Variants in SHROOM2 observed in about 807,000 individuals in gnomAD.
The protein encoded by SHROOM2 is protein Shroom2.
In SHROOM2, 33 loss-of-function variants were observed where a neutral mutation model predicts 75.9. The observed-to-expected ratio is 0.43, with a 90% CI of 0.33 to 0.58. The LOEUF is 0.58. SHROOM2 is among the 20% of genes least tolerant of loss of function. The probability of loss-of-function intolerance (pLI) is 0.04; values close to 1 mark genes in which losing one functional copy is unlikely to be tolerated. For synonymous variants in SHROOM2, 655 were observed against 663.6 expected, an observed-to-expected ratio of 0.99 and a Z score of 0.20; for missense variants, 1,434 against 1,461.2, an observed-to-expected ratio of 0.98 and a Z score of 0.30.
rs1244487667 is a variant in SHROOM2 at position 9,799,402 on chromosome X, G to A, written c.165+12692G>A. Among the ~76,000 whole-genome samples the A allele has an allele frequency of 2.7e-5, 3 of 110,475 alleles. No individual in the cohort carries two copies. The South Asian group carries it at 1.2e-3, about 42-fold the overall frequency. On this transcript the variant is annotated intron_variant, in intron 1 of 9. Transcript: ENST00000380913. The stretch of plus-strand genomic sequence containing the variant: ...GCTGGTCTCGAACTCCTGACCTCAG[G>A]TGATCTGCCTGCCTCAGCCTCCCAA...
At chrX:9,899,301 G>A (rs968119760) in intron 5 of SHROOM2, among the ~76,000 whole-genome samples, 1 of 110,379 alleles carries the variant, frequency 9.1e-6, no homozygotes. Context: ...TTCATCACAC[G>A]AGGAGGGCAG....
chrX:9,818,776 T>A, intron 1 of SHROOM2: 2 of 475,878 alleles, frequency 4.2e-6, no homozygotes, highest in Non-Finnish European at 7.5e-6. Flanking sequence ...TTCTTTCTTT[T>A]TCTTCACAAA....
At chrX:9,814,058 T>G (rs1054292876) in intron 1 of SHROOM2, among the ~76,000 whole-genome samples, 5 of 111,794 alleles carry the variant, frequency 4.5e-5, no homozygotes, top group African/African-American at 1.6e-4. Context: ...TTGCAAGGCA[T>G]TGGTTAAGGG....
intron 4 of SHROOM2, among the ~76,000 whole-genome samples, chrX:9,897,979 A>G (rs1218305323): frequency 8.9e-6 from 1 of 112,257 alleles, no homozygotes; most frequent in Non-Finnish European, 1.9e-5. Context: ...TCTTTTGGCC[A>G]ATTGTGCCAC....
intron 1 of SHROOM2, among the ~76,000 whole-genome samples, chrX:9,817,434 A>G: frequency 8.9e-6 from 1 of 111,740 alleles, no homozygotes; most frequent in Non-Finnish European, 1.9e-5. Context: ...ATTGTACCCC[A>G]AAGCAAGTTC....
intron 2 of SHROOM2, among the ~76,000 whole-genome samples, chrX:9,880,289 C>CCCCTAAAGGACAGGTA (rs2084224489): frequency 8.9e-6 from 1 of 112,782 alleles, no homozygotes; most frequent in African/African-American, 3.2e-5. Flanking sequence ...CTTGCAGTCA[C>CCCCTAAAGGACAGGTA]CCCTAAAGGA....
At chrX:9,940,818 G>A (rs1012439360) in intron 8 of SHROOM2, among the ~76,000 whole-genome samples, 18 of 111,814 alleles carry the variant, frequency 1.6e-4, no homozygotes, top group Middle Eastern at 4.6e-3. Flanking sequence ...CCCTAATTCC[G>A]TAGGCTTCCA....
chrX:9,811,709 A>T (rs1000613826), intron 1 of SHROOM2, among the ~76,000 whole-genome samples: 1 of 111,838 alleles, frequency 8.9e-6, no homozygotes, highest in East Asian at 2.8e-4. Context: ...GTGTCGTAGA[A>T]AGGGGCTGTA....
Position 9,894,513 on chromosome X carries a change from G to T in SHROOM2, c.605G>T (p.Ser202Ile). 1 of 1,211,387 alleles carries T rather than the reference G, an allele frequency of 8.3e-7. No homozygotes were observed. The highest frequency in any genetic ancestry group is 1.8e-5 in the South Asian group (1 of 56,955). ...AACAGCAGCATCGACCACCTGGGCAGCCACAGCAAGCGCGACTCGGCCTAC... is the reference window on the plus strand; with the variant it reads ...AACAGCAGCATCGACCACCTGGGCATCCACAGCAAGCGCGACTCGGCCTAC... ...KSNSSIDHLG[S>I]HSKRDSAYGS... Residue 202 changes from serine to isoleucine, a missense_variant, in exon 4 of 10, where the codon AGC (serine) becomes ATC (isoleucine). By Grantham distance (142) the Ser-to-Ile change is moderately radical (BLOSUM62 -2). This residue lies in a region of SHROOM2 where 1,340 missense variants were observed against 1,338.3 expected (regional missense o/e 1.00). Coordinates refer to ENST00000380913, the MANE Select transcript of SHROOM2 (RefSeq NM_001649.4).
In SHROOM2 at chrX:9,895,756, G is replaced by T; in HGVS notation, c.1848G>T (p.Val616=). The T allele has an allele frequency of 8.3e-7, 1 of 1,201,860 alleles. No individual in the cohort carries two copies. The highest frequency in any genetic ancestry group is 1.1e-6 in the Non-Finnish European group (1 of 890,760). The part of the protein sequence containing the change: ...ATRPPPFDAH[V]GKPTRRSDRF... ...GACCGCCACCGTTCGACGCCCACGT[G>T]GGCAAGCCCACCCGAAGAAGCGACC... is the stretch of plus-strand genomic sequence containing the variant. Residue 616 remains valine, a synonymous_variant, in exon 4 of 10, where the codon GTG becomes GTT. Transcript: ENST00000380913.
At chrX:9,872,434 G>A (rs1193208260) in intron 1 of SHROOM2, among the ~76,000 whole-genome samples, 1 of 111,739 alleles carries the variant, frequency 8.9e-6, no homozygotes, top group Non-Finnish European at 1.9e-5. Context: ...ACGTGGTAGC[G>A]TGTGCCTGTA....
intron 1 of SHROOM2, among the ~76,000 whole-genome samples, chrX:9,799,353 A>G (rs1169852284): frequency 9.2e-6 from 1 of 108,237 alleles, no homozygotes; most frequent in Non-Finnish European, 1.9e-5. Context: ...TTTAGTGGAG[A>G]TGGGGTTTCG....
intron 1 of SHROOM2, among the ~76,000 whole-genome samples, chrX:9,864,370 C>T (rs1042284525): frequency 3.6e-5 from 4 of 110,835 alleles, no homozygotes; most frequent in African/African-American, 1.3e-4. Context: ...CTTTTCCTTC[C>T]GAAACAGTTC....
chrX:9,800,332 GTAT>G (rs572234520), intron 1 of SHROOM2, among the ~76,000 whole-genome samples: 22 of 109,051 alleles, frequency 2.0e-4, no homozygotes, highest in African/African-American at 2.7e-4. Context: ...TTTATTTTAT[GTAT>G]TATTATTATT....
chrX:9,873,774 C>A lies in SHROOM2; in HGVS notation c.288C>A (p.Ser96=), dbSNP rs2084183966. The change falls in exon 2 of 10, where the codon TCC becomes TCA. Residue 96 remains serine (S), a synonymous_variant. Coordinates refer to ENST00000380913, the MANE Select transcript of SHROOM2 (RefSeq NM_001649.4). The part of the protein sequence containing the change: ...RQEAICLVKG[S]HKTLKLVVKR... Reference sequence around the variant, plus strand: ...AAGCGATTTGCCTGGTGAAGGGGTCCCATAAGACCCTGAAGCTGGTCGTCA... The same window carrying A: ...AAGCGATTTGCCTGGTGAAGGGGTCACATAAGACCCTGAAGCTGGTCGTCA... 1.7e-6 allele frequency: 2 copies of A among 1,209,083 alleles called. No individual in the cohort carries two copies. Among genetic ancestry groups the A allele is most frequent in the African/African-American group, 3.5e-5 (2 of 56,948 alleles).
intron 1 of SHROOM2, among the ~76,000 whole-genome samples, chrX:9,808,478 G>C (rs2083769892): frequency 9.0e-6 from 1 of 110,520 alleles, no homozygotes; most frequent in Non-Finnish European, 1.9e-5. Flanking sequence ...GAGTCAGAGA[G>C]TTGGAGGCTG....
At chrX:9,899,857 C>T (rs180878538) in intron 5 of SHROOM2, among the ~76,000 whole-genome samples, 1 of 112,471 alleles carries the variant, frequency 8.9e-6, no homozygotes, top group Non-Finnish European at 1.9e-5. Context: ...TGAGGCTGGC[C>T]GTGCAGTGCA....
chrX:9,802,214 G>A lies in SHROOM2; in HGVS notation c.165+15504G>A, dbSNP rs191321200. Among the ~76,000 whole-genome samples, 8 of 110,171 alleles carry A rather than the reference G, an allele frequency of 7.3e-5. No homozygotes were observed. The East Asian group carries it at 2.0e-3, about 28-fold the overall frequency. The stretch of plus-strand genomic sequence containing the variant: ...TCCTGATGCCATTGGCACTACAGTC[G>A]TGCCTCACCATGCCCAGCTCGCTGC... On this transcript the variant is annotated intron_variant, in intron 1 of 9. Transcript: ENST00000380913.
chrX:9,847,311 A>G (rs1798467008), intron 1 of SHROOM2, among the ~76,000 whole-genome samples: 1 of 112,408 alleles, frequency 8.9e-6, no homozygotes, highest in African/African-American at 3.2e-5. Context: ...GCCGTGCCTG[A>G]CGGATGAGAA....
Sources: allele counts gnomAD v4.1 joint callset (sites outside exome capture counted in the v4.1 genomes callset), GRCh38; gene constraint gnomAD v4.1.1; regional missense constraint gnomAD v4.1.1; transcripts MANE v1.5; gene names NCBI Gene and HGNC (gene_info 2026-07-23, HGNC 2026-07-21).